JMJD1C: variants seen among roughly 807,000 people sequenced by gnomAD.
JMJD1C encodes the protein jumonji domain-containing protein 1C.
Under a neutral mutation model 245.3 loss-of-function variants are expected in JMJD1C, and 31 were observed. The ratio of observed to expected loss-of-function variants is 0.13; its 90% CI spans 0.09 to 0.17. JMJD1C has a LOEUF of 0.17. JMJD1C is among the 10% of genes least tolerant of loss of function. The probability of loss-of-function intolerance (pLI) is 1.00; values close to 1 mark genes in which losing one functional copy is unlikely to be tolerated. For missense variants in JMJD1C, 2,691 were observed against 3,000.2 expected, an observed-to-expected ratio of 0.90 and a Z score of 2.41; for synonymous variants, 1,057 against 1,017.4, an observed-to-expected ratio of 1.04 and a Z score of -0.74.
intron 22 of JMJD1C, among the ~76,000 whole-genome samples, chr10:63,181,895 C>T (rs1185621121): frequency 2.0e-5 from 3 of 152,110 alleles, no homozygotes; most frequent in South Asian, 2.1e-4. Flanking sequence ...TCTGTGGCAG[C>T]GCTCAGACAA....
At position 63,349,062 on chromosome 10, in the gene JMJD1C, T is replaced by C. The variant is rs193225659; in HGVS notation, c.333+31256A>G. 5.0e-3 allele frequency among the ~76,000 whole-genome samples: 653 copies of C among 129,864 alleles called. 3 individuals are homozygous for C. The highest frequency in any genetic ancestry group is 0.018 in the African/African-American group (614 of 33,466). 85.2% of individuals were successfully genotyped at this position (129,864 alleles called of 152,430 possible). The stretch of plus-strand genomic sequence containing the variant: ...GTTGCAGTGAGCTGAGATCACGCCA[T>C]TGCACTTCAGCCTGGGTGACAGAGT... On this transcript the variant is annotated intron_variant, in intron 2 of 25. Transcript: ENST00000399262.
rs1943558590 is a variant in JMJD1C at position 63,343,539 on chromosome 10, T to A, written c.333+36779A>T. ...AAAGATTTTGTTAATATATATACCTTACATCGCTGCTTCTACTCTAATCAT... is the reference window on the plus strand; with the variant it reads ...AAAGATTTTGTTAATATATATACCTAACATCGCTGCTTCTACTCTAATCAT... On this transcript the variant is annotated intron_variant, in intron 2 of 25. Coordinates refer to ENST00000399262, the MANE Select transcript of JMJD1C (RefSeq NM_032776.3). Among the ~76,000 whole-genome samples, 3 of 152,170 alleles carry A rather than the reference T, an allele frequency of 2.0e-5. No individual in the cohort carries two copies. In the South Asian group the frequency reaches 6.2e-4, roughly 31 times the overall value.
At chr10:63,499,116 A>C (rs1362136566) in intron 1 of JMJD1C, among the ~76,000 whole-genome samples, 5 of 152,182 alleles carry the variant, frequency 3.3e-5, no homozygotes, top group Non-Finnish European at 5.9e-5. Flanking sequence ...TCCTTTATTC[A>C]TCAATGGGAC....
At chr10:63,494,954 C>T (rs1400417377) in intron 1 of JMJD1C, among the ~76,000 whole-genome samples, 1 of 152,166 alleles carries the variant, frequency 6.6e-6, no homozygotes, top group Non-Finnish European at 1.5e-5. Flanking sequence ...GTCCCACTTC[C>T]CTCTGTATGT....
chr10:63,476,540 C>G (rs536737057), intron 1 of JMJD1C, among the ~76,000 whole-genome samples: 2 of 151,990 alleles, frequency 1.3e-5, no homozygotes, highest in Non-Finnish European at 2.9e-5. Context: ...CTGGGCAACA[C>G]AGTGAGACCC....
chr10:63,486,328 G>C (rs994910084), intron 1 of JMJD1C, among the ~76,000 whole-genome samples: 1 of 152,014 alleles, frequency 6.6e-6, no homozygotes, highest in African/African-American at 2.4e-5. Flanking sequence ...GCTGAAGGTG[G>C]ATATGTTAGC....
chr10:63,186,351 C>G lies in JMJD1C; in HGVS notation c.6603G>C (p.Met2201Ile). 1 of 1,613,078 alleles carries G rather than the reference C, an allele frequency of 6.2e-7. No homozygotes were observed. Among genetic ancestry groups the G allele is most frequent in the Non-Finnish European group, 8.5e-7 (1 of 1,179,604 alleles). The stretch of plus-strand genomic sequence containing the variant: ...ATTCCGCCTTCCATAGGCTAATGTT[C>G]ATTTTCTTATGCACACCAGAAACCA... Reference protein sequence around the residue: ...PAVVSGVHKKMNISLWKAESI... With the variant: ...PAVVSGVHKKINISLWKAESI... Residue 2201 changes from methionine to isoleucine, a missense_variant, in exon 19 of 26, where the codon ATG (methionine) becomes ATC (isoleucine). Coordinates refer to ENST00000399262, the MANE Select transcript of JMJD1C (RefSeq NM_032776.3).
At chr10:63,322,548 C>T (rs1351534715) in intron 2 of JMJD1C, among the ~76,000 whole-genome samples, 1 of 152,114 alleles carries the variant, frequency 6.6e-6, no homozygotes, top group African/African-American at 2.4e-5. Flanking sequence ...GGCACGGTGG[C>T]TCACACCTGT....
intron 1 of JMJD1C, among the ~76,000 whole-genome samples, chr10:63,484,283 A>G (rs1416432707): frequency 6.6e-6 from 1 of 151,836 alleles, no homozygotes; most frequent in Admixed American, 6.6e-5. Context: ...AGATAGATAG[A>G]TAAGACAGAC....
intron 2 of JMJD1C, among the ~76,000 whole-genome samples, chr10:63,365,394 A>G (rs571394879): frequency 4.5e-4 from 69 of 152,356 alleles, no homozygotes; most frequent in African/African-American, 1.7e-3. Flanking sequence ...AATAAAAATT[A>G]GGTTGTTTTC....
At chr10:63,517,272 A>G (rs1811927654) in intron 1 of JMJD1C, among the ~76,000 whole-genome samples, 2 of 152,186 alleles carry the variant, frequency 1.3e-5, no homozygotes, top group African/African-American at 4.8e-5. Context: ...CTCTGCTAAT[A>G]AATGAACTCT....
At chr10:63,303,526 G>A (rs1042406178) in intron 2 of JMJD1C, among the ~76,000 whole-genome samples, 3 of 152,094 alleles carry the variant, frequency 2.0e-5, no homozygotes, top group Admixed American at 6.6e-5. Flanking sequence ...GGCTGGTCTC[G>A]AACTCCTAAC....
At position 63,462,885 on chromosome 10, in the gene JMJD1C, A is replaced by G. The variant is rs1952896043; in HGVS notation, c.168+2610T>C. 2.0e-5 allele frequency among the ~76,000 whole-genome samples: 3 copies of G among 152,214 alleles called. No individual in the cohort carries two copies. In the South Asian group the frequency reaches 6.2e-4, roughly 32 times the overall value. ...ACCACCAAGATTACGTTAATTAAACAATTATAGAAATTTAATTCACGTGGC... is the reference window on the plus strand; with the variant it reads ...ACCACCAAGATTACGTTAATTAAACGATTATAGAAATTTAATTCACGTGGC... On this transcript the variant is annotated intron_variant, in intron 1 of 25. Coordinates refer to ENST00000399262, the MANE Select transcript of JMJD1C (RefSeq NM_032776.3).
intron 22 of JMJD1C, among the ~76,000 whole-genome samples, chr10:63,180,827 G>A (rs1843385849): frequency 6.7e-6 from 1 of 150,374 alleles, no homozygotes; most frequent in African/African-American, 2.5e-5. Context: ...GGAGTGCAGT[G>A]GCGGGATCTC....
chr10:63,385,808 T>C (rs1195993576), intron 1 of JMJD1C, among the ~76,000 whole-genome samples: 1 of 151,900 alleles, frequency 6.6e-6, no homozygotes, highest in Non-Finnish European at 1.5e-5. Flanking sequence ...CAAACTACGA[T>C]AAAAAATGTA....
At chr10:63,354,215 C>T (rs1173323923) in intron 2 of JMJD1C, among the ~76,000 whole-genome samples, 2 of 152,166 alleles carry the variant, frequency 1.3e-5, no homozygotes, top group Non-Finnish European at 2.9e-5. Flanking sequence ...TCCACAACTT[C>T]AACAAATTAA....
chr10:63,428,634 C>A (rs565953445), intron 1 of JMJD1C, among the ~76,000 whole-genome samples: 10 of 151,762 alleles, frequency 6.6e-5, no homozygotes, highest in African/African-American at 2.2e-4. Context: ...TACTATTGAT[C>A]GTGATTACCT....
chr10:63,490,081 A>C (rs748425125), intron 1 of JMJD1C, among the ~76,000 whole-genome samples: 105 of 152,120 alleles, frequency 6.9e-4, no homozygotes, highest in Admixed American at 3.1e-3. Flanking sequence ...GTTTCATCCC[A>C]AAACTATTCA....
intron 10 of JMJD1C, chr10:63,204,977 G>A: frequency 1.0e-6 from 1 of 985,154 alleles, no homozygotes; most frequent in Non-Finnish European, 1.2e-6. Context: ...TATATTGTAT[G>A]TGGATGAACA....
Sources: allele counts gnomAD v4.1 joint callset (sites outside exome capture counted in the v4.1 genomes callset), GRCh38; gene constraint gnomAD v4.1.1; transcripts MANE v1.5; gene names NCBI Gene and HGNC (gene_info 2026-07-23, HGNC 2026-07-21).